The following ZBTB7C variants were observed in gnomAD, a reference collection of about 807,000 sequenced individuals.
ZBTB7C encodes zinc finger and BTB domain containing 7C, also known as zinc finger and BTB domain-containing protein 7C.
In ZBTB7C, 8 loss-of-function variants were observed where a neutral mutation model predicts 25.7. The observed-to-expected ratio is 0.31, with a 90% CI of 0.18 to 0.56. ZBTB7C has a LOEUF of 0.56. Ranked by LOEUF, ZBTB7C falls within the 20% of genes least tolerant of loss-of-function variation. ZBTB7C has a pLI of 0.91. For missense variants in ZBTB7C, 824 were observed against 855.2 expected, an observed-to-expected ratio of 0.96 and a Z score of 0.46; for synonymous variants, 394 against 369.0, an observed-to-expected ratio of 1.07 and a Z score of -0.78.
At chr18:48,206,728 C>A (rs1186154390) in intron 2 of ZBTB7C, among the ~76,000 whole-genome samples, 1 of 152,098 alleles carries the variant, frequency 6.6e-6, no homozygotes. Context: ...GATCATAGAC[C>A]TAAACATGAA....
intron 2 of ZBTB7C, among the ~76,000 whole-genome samples, chr18:48,226,560 G>T (rs942363801): frequency 1.3e-5 from 2 of 152,176 alleles, no homozygotes; most frequent in African/African-American, 4.8e-5. Flanking sequence ...GCATGTGCAT[G>T]ACTGCACTGC....
chr18:48,090,272 C>G (rs888627515), intron 3 of ZBTB7C, among the ~76,000 whole-genome samples: 2 of 152,190 alleles, frequency 1.3e-5, no homozygotes, highest in Non-Finnish European at 2.9e-5. Context: ...GCCAGGGACA[C>G]GGGTGGCGTG....
In ZBTB7C at chr18:48,183,615, AGTG is replaced by A. The variant is rs953209276; in HGVS notation, c.-17+2316_-17+2318del. Among the ~76,000 whole-genome samples the A allele has an allele frequency of 2.1e-4, 32 of 152,232 alleles. 1 individual carries two copies. The highest frequency in any genetic ancestry group is 4.4e-5 in the Non-Finnish European group (3 of 68,046). On this transcript the variant is annotated intron_variant, in intron 3 of 4. Coordinates refer to ENST00000590800, the MANE Select transcript of ZBTB7C (RefSeq NM_001318841.2). The stretch of plus-strand genomic sequence containing the variant: ...AATGACATTTGGCTGTCTTGACAAG[AGTG>A]GTGCTCACACGCATGAGAATAAAAG...
chr18:48,110,280 C>T (rs1039887076), intron 3 of ZBTB7C, among the ~76,000 whole-genome samples: 1 of 152,148 alleles, frequency 6.6e-6, no homozygotes, highest in Non-Finnish European at 1.5e-5. Flanking sequence ...CCGTGCCACT[C>T]CCTGACCACA....
At chr18:48,222,154 C>T (rs1034781927) in intron 2 of ZBTB7C, among the ~76,000 whole-genome samples, 12 of 152,150 alleles carry the variant, frequency 7.9e-5, no homozygotes, top group Non-Finnish European at 1.6e-4. Context: ...TTGTCTCTAG[C>T]CTCCCATCTA....
intron 3 of ZBTB7C, among the ~76,000 whole-genome samples, chr18:48,087,065 A>G (rs1272966873): frequency 1.3e-5 from 2 of 152,202 alleles, no homozygotes; most frequent in African/African-American, 2.4e-5. Context: ...CAGAAATGTG[A>G]GGTGATCTGC....
intron 3 of ZBTB7C, among the ~76,000 whole-genome samples, chr18:48,100,160 T>C (rs1343548942): frequency 2.6e-5 from 4 of 152,242 alleles, no homozygotes; most frequent in Non-Finnish European, 4.4e-5. Flanking sequence ...CTCCCTTTTC[T>C]ACTTTCCTGT....
chr18:48,296,376 A>G (rs2045392216), intron 2 of ZBTB7C, among the ~76,000 whole-genome samples: 1 of 152,120 alleles, frequency 6.6e-6, no homozygotes, highest in Admixed American at 6.5e-5. Flanking sequence ...GTCCCCGCTA[A>G]CCCTCACCAC....
At chr18:48,093,266 TTCCTGACC>T (rs1283363975) in intron 3 of ZBTB7C, among the ~76,000 whole-genome samples, 2 of 152,204 alleles carry the variant, frequency 1.3e-5, no homozygotes, top group Admixed American at 1.3e-4. Flanking sequence ...TTCTCCCTTC[TTCCTGACC>T]TCCTGCCTCA....
At chr18:48,156,467 T>G (rs2040843983) in intron 3 of ZBTB7C, among the ~76,000 whole-genome samples, 1 of 152,208 alleles carries the variant, frequency 6.6e-6, no homozygotes, top group Admixed American at 6.5e-5. Context: ...TTAGAGCTTG[T>G]CTGTGAAGGA....
intron 2 of ZBTB7C, among the ~76,000 whole-genome samples, chr18:48,203,012 C>T (rs1429593480): frequency 2.0e-5 from 3 of 152,078 alleles, no homozygotes; most frequent in Non-Finnish European, 4.4e-5. Context: ...TCAAGACCCC[C>T]TCTTCTCACC....
At chr18:48,170,491 G>GA (rs1433937910) in intron 3 of ZBTB7C, among the ~76,000 whole-genome samples, 1 of 152,222 alleles carries the variant, frequency 6.6e-6, no homozygotes, top group Middle Eastern at 3.2e-3. Flanking sequence ...TGAACACAAA[G>GA]AAAGTTCCCA....
At chr18:48,257,561 G>A (rs1310413874) in intron 2 of ZBTB7C, among the ~76,000 whole-genome samples, 1 of 151,900 alleles carries the variant, frequency 6.6e-6, no homozygotes, top group African/African-American at 2.4e-5. Context: ...TTCCATGAGG[G>A]AGCATTACCC....
chr18:48,255,455 C>A (rs1326925096), intron 2 of ZBTB7C, among the ~76,000 whole-genome samples: 2 of 152,080 alleles, frequency 1.3e-5, no homozygotes, highest in African/African-American at 2.4e-5. Flanking sequence ...ACAGACCAAA[C>A]CAAAATGGAG....
At chr18:48,078,475 A>G (rs2037857784) in intron 3 of ZBTB7C, among the ~76,000 whole-genome samples, 1 of 152,184 alleles carries the variant, frequency 6.6e-6, no homozygotes, top group Admixed American at 6.5e-5. Flanking sequence ...CTCACACTCC[A>G]CCGGCAGCAT....
At chr18:48,091,076 GT>G (rs780518929) in intron 3 of ZBTB7C, among the ~76,000 whole-genome samples, 148 of 143,968 alleles carry the variant, frequency 1.0e-3, no homozygotes, top group South Asian at 1.1e-3. Flanking sequence ...TGGTGTTTCT[GT>G]TTTTTTTTTT....
At chr18:48,233,127 A>G (rs1055799431) in intron 2 of ZBTB7C, among the ~76,000 whole-genome samples, 9 of 152,120 alleles carry the variant, frequency 5.9e-5, no homozygotes, top group African/African-American at 2.2e-4. Flanking sequence ...GTCTAATGAG[A>G]GGTGGTTAGG....
At chr18:48,277,871 G>A (rs980463336) in intron 2 of ZBTB7C, among the ~76,000 whole-genome samples, 5 of 151,338 alleles carry the variant, frequency 3.3e-5, no homozygotes, top group South Asian at 2.1e-4. Flanking sequence ...CTTCCTTTGC[G>A]CCAGATAGCA....
At chr18:48,151,015 A>AT (rs1416269351) in intron 3 of ZBTB7C, among the ~76,000 whole-genome samples, 1 of 152,136 alleles carries the variant, frequency 6.6e-6, no homozygotes, top group Non-Finnish European at 1.5e-5. Flanking sequence ...CCAAATCTGC[A>AT]TTTTTCACAG....
Sources: gnomAD v4.1 joint callset for allele counts (sites outside exome capture counted in the v4.1 genomes callset) on GRCh38, gnomAD v4.1.1 for gene constraint, MANE v1.5 for transcripts, NCBI Gene and HGNC (gene_info 2026-07-23, HGNC 2026-07-21) for gene names.